The following CEP104 variants were observed in gnomAD, a reference collection of about 807,000 sequenced individuals.
The protein encoded by CEP104 is centrosomal protein of 104 kDa.
Under a neutral mutation model 113.3 loss-of-function variants are expected in CEP104, and 84 were observed. The ratio of observed to expected loss-of-function variants is 0.74; its 90% CI spans 0.62 to 0.89. The LOEUF (loss-of-function observed/expected upper bound fraction) is 0.89, where lower values mean the gene tolerates loss of function less well. CEP104 is among the 40% of genes least tolerant of loss of function. The probability of loss-of-function intolerance (pLI) is 0.00; values close to 1 mark genes in which losing one functional copy is unlikely to be tolerated. For synonymous variants in CEP104, 378 were observed against 421.7 expected (o/e 0.90, Z 1.27); for missense variants, 1,053 against 1,156.6 (o/e 0.91, Z 1.30).
chr1:3,816,831 C>G (rs1643888162), intron 20 of CEP104, among the ~76,000 whole-genome samples: 3 of 152,288 alleles, frequency 2.0e-5, no homozygotes, highest in Admixed American at 1.3e-4. Flanking sequence ...AGCCACGCCA[C>G]ATGCACTTGC....
chr1:3,828,684 T>G (rs1459690115), intron 15 of CEP104, among the ~76,000 whole-genome samples: 2 of 152,086 alleles, frequency 1.3e-5, no homozygotes, highest in Non-Finnish European at 2.9e-5. Flanking sequence ...TTCTGCCACC[T>G]TTATATCTTT....
intron 7 of CEP104, 70 bp from the exon 8 acceptor site, chr1:3,839,189 T>G: frequency 7.2e-7 from 1 of 1,391,476 alleles, no homozygotes; most frequent in Middle Eastern, 1.8e-4. Context: ...AGCTAATTTT[T>G]AAGAATCACG....
At chr1:3,832,091 C>G (rs79903886) in intron 12 of CEP104, among the ~76,000 whole-genome samples, 3,216 of 152,300 alleles carry the variant, frequency 0.021, 74 homozygotes, top group East Asian at 0.1. Context: ...TGAGCACCAC[C>G]AAACTGCTCA....
In CEP104 at chr1:3,816,343, C is replaced by T; in HGVS notation, c.2599G>A (p.Ala867Thr). The T allele has an allele frequency of 6.4e-7, 1 of 1,552,950 alleles. No individual in the cohort carries two copies. Reference protein sequence around the residue: ...EAWKAHLMGPAGCTMNLRKTH... With the variant: ...EAWKAHLMGPTGCTMNLRKTH... ...TTGCGCAGGTTCATCGTGCAGCCGG[C>T]TGGGCCCATCAGGTGAGCTTTCCAT... is the stretch of plus-strand genomic sequence containing the variant. The change falls in exon 21 of 22, where the codon GCC becomes ACC. Residue 867 changes from alanine (A) to threonine (T), a missense_variant. Physicochemically the swap from Ala to Thr is moderately conservative, Grantham distance 58 (BLOSUM62 0). Transcript: ENST00000378230.
rs571204315 is a variant in CEP104 at position 3,823,580 on chromosome 1, G to A, written c.2365-18C>T. On this transcript the variant is annotated intron_variant, in intron 18 of 21. Transcript: ENST00000378230. The surrounding 1 kb of genome is among the most constrained non-coding windows in gnomAD (Gnocchi z 4.1). ...TCGACCACCTGGATTTCGAAATACA[G>A]AGCAAAGCATGTTGCTGAGAAAGCG... 6.2e-7 allele frequency: 1 copy of A among 1,614,176 alleles called. No individual in the cohort carries two copies. The highest frequency in any genetic ancestry group is 8.5e-7 in the Non-Finnish European group (1 of 1,180,042).
chr1:3,826,524 T>C, intron 16 of CEP104, 88 bp from the exon 17 acceptor site: 1 of 1,355,126 alleles, frequency 7.4e-7, no homozygotes, highest in Non-Finnish European at 1.0e-6. Flanking sequence ...TCTAAAACGA[T>C]TATACAAGTA....
In CEP104 at chr1:3,836,495, C is replaced by G; in HGVS notation, c.1317G>C (p.Leu439Phe). ...TTTTTTTTTTTTTTTTTTTTTTTAC[C>G]AAGGTTTCTCCCAACACATCGATGG... ...SSAIDVLGET[L>F]VAEAYCKTWS... Residue 439 changes from leucine (L) to phenylalanine (F), a missense_variant and splice_region_variant, in exon 10 of 22, where the codon TTG (leucine) becomes TTC (phenylalanine). Leu to Phe is a conservative substitution (Grantham distance 22, BLOSUM62 0). Coordinates refer to ENST00000378230, the MANE Select transcript of CEP104 (RefSeq NM_014704.4). 8.8e-7 allele frequency: 1 copy of G among 1,134,016 alleles called. No individual in the cohort carries two copies. Among genetic ancestry groups the G allele is most frequent in the Non-Finnish European group, 1.1e-6 (1 of 879,278 alleles). The allele number at this position is 1,134,016 out of a possible 1,614,324, so 70.2% of individuals were successfully genotyped here. A position where few individuals can be genotyped will look rare whatever the true frequency, so the allele number is the denominator to read the frequency against.
At chr1:3,841,519 T>C (rs1644412276) in intron 6 of CEP104, among the ~76,000 whole-genome samples, 2 of 152,250 alleles carry the variant, frequency 1.3e-5, no homozygotes, top group Non-Finnish European at 2.9e-5. Flanking sequence ...AAAGACTTCA[T>C]TTGATTATAA....
At chr1:3,822,598 T>C (rs1402606010) in intron 20 of CEP104, among the ~76,000 whole-genome samples, 3 of 152,116 alleles carry the variant, frequency 2.0e-5, no homozygotes, top group East Asian at 1.9e-4. Flanking sequence ...GCCAGAATAA[T>C]TGCCACGGAG....
In CEP104 at chr1:3,836,565, T is replaced by C; in HGVS notation, c.1247A>G (p.Glu416Gly). ...GGCCTTCTCGGTTAAGGGCTCTGGC[T>C]CCCCTAACATGCCTCCCCTCCGAGC... ...SDARRGGMLG[E>G]PEPLTEKALR... Residue 416 changes from glutamate (E) to glycine (G), a missense_variant, in exon 10 of 22, where the codon GAG becomes GGG. Coordinates refer to ENST00000378230, the MANE Select transcript of CEP104 (RefSeq NM_014704.4). The C allele has an allele frequency of 1.3e-6, 2 of 1,588,208 alleles. No individual in the cohort carries two copies. Among genetic ancestry groups the C allele is most frequent in the Non-Finnish European group, 1.7e-6 (2 of 1,168,506 alleles).
chr1:3,855,185 T>A (rs1644691431), intron 1 of CEP104, among the ~76,000 whole-genome samples: 1 of 149,916 alleles, frequency 6.7e-6, no homozygotes, highest in South Asian at 2.1e-4. Flanking sequence ...TTTTTTTTTT[T>A]TTTTTTTTTT....
intron 18 of CEP104, 103 bp downstream of exon 18, chr1:3,825,655 C>G (rs1644075888): frequency 1.3e-6 from 1 of 758,716 alleles, no homozygotes; most frequent in South Asian, 1.5e-5. Context: ...CGCAACCTCT[C>G]CTCTGAAAAT....
rs199751526 is a variant in CEP104 at position 3,833,885 on chromosome 1, C to T, written c.1636G>A (p.Val546Ile). The T allele has an allele frequency of 2.7e-4, 442 of 1,614,214 alleles. 7 individuals are homozygous for T. In the South Asian group the frequency reaches 4.1e-3, roughly 15 times the overall value. ...RTGDSSARLR[V>I]TAANFIQEMA... ...ACCTGAATAAAATTTGCAGCTGTGA[C>T]GCGGAGGCGGGCAGAAGAATCTCCA... Residue 546 changes from valine (V) to isoleucine (I), a missense_variant, in exon 12 of 22, where the codon GTC becomes ATC. By Grantham distance (29) the Val-to-Ile change is conservative. Coordinates refer to ENST00000378230, the MANE Select transcript of CEP104 (RefSeq NM_014704.4).
chr1:3,837,536 A>T lies in CEP104; in HGVS notation c.892-17T>A, dbSNP rs1644338863. On this transcript the variant is annotated splice_polypyrimidine_tract_variant and intron_variant, in intron 8 of 21. Coordinates refer to ENST00000378230, the MANE Select transcript of CEP104 (RefSeq NM_014704.4). ...TCTTCGCATCTAGAGAACAAAAAGG[A>T]ACATTTAATTTCAAATGCCACTGCC... is the stretch of plus-strand genomic sequence containing the variant. The T allele has an allele frequency of 6.2e-7, 1 of 1,607,342 alleles. No individual in the cohort carries two copies. Among genetic ancestry groups the T allele is most frequent in the Admixed American group, 1.7e-5 (1 of 59,878 alleles).
chr1:3,826,364 A>G lies in CEP104; in HGVS notation c.2255+6T>C. ...CGTACAATGGGTGGAAGACAGCGCGACTTACTTATCTAGATAGTGCTCATC... is the reference window on the plus strand; with the variant it reads ...CGTACAATGGGTGGAAGACAGCGCGGCTTACTTATCTAGATAGTGCTCATC... On this transcript the variant is annotated splice_donor_region_variant and intron_variant, in intron 17 of 21. Transcript: ENST00000378230. 1 of 1,613,586 alleles carries G rather than the reference A, an allele frequency of 6.2e-7. No homozygotes were observed. The highest frequency in any genetic ancestry group is 8.5e-7 in the Non-Finnish European group (1 of 1,179,580).
chr1:3,853,369 A>C (rs1404620790), intron 1 of CEP104, among the ~76,000 whole-genome samples: 3 of 151,822 alleles, frequency 2.0e-5, no homozygotes, highest in Non-Finnish European at 4.4e-5. Context: ...ATTCCTCCTA[A>C]GTAAGCCAAT....
At chr1:3,845,629 C>G (rs1644493028) in intron 4 of CEP104, among the ~76,000 whole-genome samples, 2 of 151,824 alleles carry the variant, frequency 1.3e-5, no homozygotes, top group Non-Finnish European at 2.9e-5. Context: ...CTGGACTTAA[C>G]CCCTTTATAA....
chr1:3,815,609 G>T, intron 21 of CEP104, 92 bp from the exon 22 acceptor site: 1 of 811,294 alleles, frequency 1.2e-6, no homozygotes, highest in Non-Finnish European at 1.9e-6. Flanking sequence ...CAGCAACAAC[G>T]TCCCAGGCCC....
chr1:3,823,356 C>T lies in CEP104; in HGVS notation c.2503+68G>A. 9 of 1,612,322 alleles carry T rather than the reference C, an allele frequency of 5.6e-6. No individual in the cohort carries two copies. Among genetic ancestry groups the T allele is most frequent in the Non-Finnish European group, 7.6e-6 (9 of 1,178,426 alleles). On this transcript the variant is annotated intron_variant, in intron 19 of 21. Coordinates refer to ENST00000378230, the MANE Select transcript of CEP104 (RefSeq NM_014704.4). This position sits in a 1 kb window ranked among gnomAD's most constrained non-coding sequence, Gnocchi z 4.1. ...CCAAGCCCTTGCACAGGCTCAAGAG[C>T]AGTGGCACTTCCTCCAAGAGGACCC...
Sources: allele counts gnomAD v4.1 joint callset (sites outside exome capture counted in the v4.1 genomes callset), GRCh38; gene constraint gnomAD v4.1.1; non-coding constraint Gnocchi (gnomAD v3.1); transcripts MANE v1.5; gene names NCBI Gene and HGNC (gene_info 2026-07-23, HGNC 2026-07-21).